The following EPHB2 variants were observed in gnomAD, a reference collection of about 807,000 sequenced individuals.
EPHB2 encodes EPH receptor B2, also known as ephrin type-B receptor 2.
A neutral mutation model predicts 96.4 loss-of-function variants in EPHB2; 18 were observed. The observed-to-expected ratio is 0.19, with a 90% confidence interval of 0.13 to 0.28. The LOEUF (loss-of-function observed/expected upper bound fraction) is 0.28. Among genes scored for constraint, EPHB2 ranks in the 10% least tolerant of loss-of-function variants. The pLI is 1.00. For missense variants in EPHB2, 989 were observed against 1,355.4 expected, an observed-to-expected ratio of 0.73 and a Z score of 4.25; for synonymous variants, 506 against 534.1, an observed-to-expected ratio of 0.95 and a Z score of 0.72.
chr1:22,906,717 T>C lies in EPHB2; in HGVS notation c.1896T>C (p.Phe632=). 1 of 1,614,112 alleles carries C rather than the reference T, an allele frequency of 6.2e-7. No individual in the cohort carries two copies. The highest frequency in any genetic ancestry group is 8.5e-7 in the Non-Finnish European group (1 of 1,180,022). Residue 632 remains phenylalanine (F), a synonymous_variant, in exon 11 of 16, where the codon TTT becomes TTC. Coordinates refer to ENST00000374630, the MANE Select transcript of EPHB2 (RefSeq NM_017449.5). This position sits in a 1 kb window ranked among gnomAD's most constrained non-coding sequence, Gnocchi z 4.8. ...KIEQVIGAGE[F]GEVCSGHLKL... The stretch of plus-strand genomic sequence containing the variant: ...TTGGTGTTTCTCTCTCAGGGGAGTT[T>C]GGCGAGGTCTGCAGTGGCCACCTGA...
intron 1 of EPHB2, chr1:22,774,677 C>G (rs1644422954): frequency 2.1e-6 from 2 of 937,882 alleles, no homozygotes; most frequent in Admixed American, 6.2e-5. Flanking sequence ...CCTCGAGTAC[C>G]TTGTTAAGAG....
intron 5 of EPHB2, among the ~76,000 whole-genome samples, chr1:22,867,302 G>A (rs139039978): frequency 8.2e-4 from 125 of 152,314 alleles, no homozygotes; most frequent in African/African-American, 2.7e-3. Flanking sequence ...ATGCATTTGT[G>A]AGCATGGATG....
chr1:22,815,630 A>G (rs1055725048), intron 3 of EPHB2, among the ~76,000 whole-genome samples: 1 of 152,284 alleles, frequency 6.6e-6, no homozygotes, highest in Non-Finnish European at 1.5e-5. Context: ...GGCCGTTCAA[A>G]GATTCCGAAG....
intron 3 of EPHB2, among the ~76,000 whole-genome samples, chr1:22,832,920 A>C (rs1645327188): frequency 6.6e-6 from 1 of 152,176 alleles, no homozygotes. Flanking sequence ...ACAGCCATGC[A>C]CATGTGGCTT....
At chr1:22,838,606 T>A (rs1052333539) in intron 3 of EPHB2, among the ~76,000 whole-genome samples, 10 of 151,838 alleles carry the variant, frequency 6.6e-5, no homozygotes, top group African/African-American at 2.4e-4. Context: ...GTAGCTCCTG[T>A]CCCCGAAAAT....
At chr1:22,722,798 C>G (rs1425386847) in intron 1 of EPHB2, among the ~76,000 whole-genome samples, 2 of 152,192 alleles carry the variant, frequency 1.3e-5, no homozygotes, top group African/African-American at 2.4e-5. Flanking sequence ...GCCCTCTTAG[C>G]TCTTTGAGCC....
intron 1 of EPHB2, among the ~76,000 whole-genome samples, chr1:22,736,946 G>C (rs1006152825): frequency 2.0e-5 from 3 of 152,158 alleles, no homozygotes; most frequent in African/African-American, 7.2e-5. Context: ...TGGCTCTCTG[G>C]GTGGAGTCAG....
chr1:22,783,648 C>T (rs780687477), intron 2 of EPHB2, among the ~76,000 whole-genome samples: 4 of 152,200 alleles, frequency 2.6e-5, no homozygotes, highest in Admixed American at 6.5e-5. Flanking sequence ...GGAGATAACC[C>T]GGGCCCTAGG....
intron 9 of EPHB2, among the ~76,000 whole-genome samples, chr1:22,898,532 C>T (rs1358737113): frequency 6.6e-6 from 1 of 152,192 alleles, no homozygotes; most frequent in Non-Finnish European, 1.5e-5. Flanking sequence ...TGCAGATGCT[C>T]ATCAGGCTCA....
intron 1 of EPHB2, among the ~76,000 whole-genome samples, chr1:22,759,187 A>C (rs1644199819): frequency 6.6e-6 from 1 of 152,084 alleles, no homozygotes; most frequent in Non-Finnish European, 1.5e-5. Flanking sequence ...CCTGCCATGA[A>C]GCTTGACTTG....
In EPHB2 at chr1:22,889,522, G is replaced by A. The variant is rs141686619; in HGVS notation, c.1429-3362G>A. Among the ~76,000 whole-genome samples the A allele has an allele frequency of 3.1e-3, 469 of 152,256 alleles. 1 individual carries two copies. Among genetic ancestry groups the A allele is most frequent in the Non-Finnish European group, 4.8e-3 (325 of 68,020 alleles). ...GAACACTTACTGTGTGGCAAACCTG[G>A]GGGGATCCAGAGATGAGCAAGACAT... On this transcript the variant is annotated intron_variant, in intron 6 of 15. Transcript: ENST00000374630.
chr1:22,738,844 G>C (rs569115328), intron 1 of EPHB2, among the ~76,000 whole-genome samples: 1 of 152,074 alleles, frequency 6.6e-6, no homozygotes, highest in African/African-American at 2.4e-5. Context: ...GCCATGATGC[G>C]GGAACCTCTA....
chr1:22,807,658 C>A lies in EPHB2; in HGVS notation c.811+22582C>A, dbSNP rs139309249. On this transcript the variant is annotated intron_variant, in intron 3 of 15. Coordinates refer to ENST00000374630, the MANE Select transcript of EPHB2 (RefSeq NM_017449.5). ...TAAAGGGAAGATGCCACCAACAGAC[C>A]CTTACACAGTGGCAGTGCCCTACAA... Among the ~76,000 whole-genome samples the A allele has an allele frequency of 1.0e-3, 155 of 150,984 alleles. 1 individual carries two copies. The highest frequency in any genetic ancestry group is 3.6e-3 in the African/African-American group (147 of 40,280).
intron 3 of EPHB2, among the ~76,000 whole-genome samples, chr1:22,856,901 A>G (rs1645707819): frequency 6.6e-6 from 1 of 152,202 alleles, no homozygotes; most frequent in Admixed American, 6.5e-5. Flanking sequence ...ATATCAATCC[A>G]TTCAAATCCA....
intron 3 of EPHB2, among the ~76,000 whole-genome samples, chr1:22,856,316 G>A (rs537603247): frequency 8.5e-5 from 13 of 152,298 alleles, no homozygotes; most frequent in South Asian, 4.1e-4. Flanking sequence ...AGGGGCAGGC[G>A]GGGAGAAAAT....
intron 1 of EPHB2, among the ~76,000 whole-genome samples, chr1:22,764,829 C>A (rs1644284545): frequency 6.6e-6 from 1 of 152,174 alleles, no homozygotes; most frequent in Admixed American, 6.5e-5. Flanking sequence ...GGTGTTTGGA[C>A]CTAACACCTG....
intron 1 of EPHB2, among the ~76,000 whole-genome samples, chr1:22,762,898 C>G (rs1644254713): frequency 6.6e-6 from 1 of 152,132 alleles, no homozygotes; most frequent in African/African-American, 2.4e-5. Context: ...AGTGCTGGTG[C>G]CCAGTGATTC....
At chr1:22,857,791 T>G (rs1248033922) in intron 3 of EPHB2, among the ~76,000 whole-genome samples, 1 of 152,086 alleles carries the variant, frequency 6.6e-6, no homozygotes, top group African/African-American at 2.4e-5. Flanking sequence ...TGATGGTACC[T>G]TGTAAGAGGC....
intron 3 of EPHB2, among the ~76,000 whole-genome samples, chr1:22,840,069 G>GTGGA (rs575160867): frequency 4.5e-4 from 68 of 152,246 alleles, no homozygotes; most frequent in African/African-American, 9.1e-4. Context: ...GGACGGATAT[G>GTGGA]TGGATGGATG....
Sources: gnomAD v4.1 joint callset for allele counts (sites outside exome capture counted in the v4.1 genomes callset) on GRCh38, gnomAD v4.1.1 for gene constraint, Gnocchi (gnomAD v3.1) non-coding constraint, MANE v1.5 for transcripts, NCBI Gene and HGNC (gene_info 2026-07-23, HGNC 2026-07-21) for gene names.